Variants in PPM1H observed in about 807,000 individuals in gnomAD.
The protein encoded by PPM1H is protein phosphatase 1H.
Under a neutral mutation model 54.9 loss-of-function variants are expected in PPM1H, and 27 were observed. That is an observed-to-expected ratio of 0.49 (90% CI 0.36 to 0.68). PPM1H has a LOEUF of 0.68. Ranked by LOEUF, PPM1H falls within the 30% of genes least tolerant of loss-of-function variation. The pLI is 0.00. For missense variants in PPM1H, 596 were observed against 667.8 expected, an observed-to-expected ratio of 0.89 and a Z score of 1.19; for synonymous variants, 305 against 270.8, an observed-to-expected ratio of 1.13 and a Z score of -1.24.
Position 62,647,021 on chromosome 12 carries a change from GC to G in PPM1H, c.*1467del, listed in dbSNP as rs1437848070. 1 of 152,186 alleles carries G rather than the reference GC, an allele frequency of 6.6e-6. No individual in the cohort carries two copies. Among genetic ancestry groups the G allele is most frequent in the Admixed American group, 6.5e-5 (1 of 15,272 alleles). 9.4% of individuals were successfully genotyped at this position (152,186 alleles called of 1,614,324 possible). ...ATTACTCAAAGTTGTCAAAATGGTG[GC>G]AATACCTCAGTAGCTCAGCAGGAAG... On this transcript the variant is annotated 3_prime_UTR_variant, in exon 10 of 10. Transcript: ENST00000228705.
Position 62,802,011 on chromosome 12 carries a change from C to A in PPM1H, c.561G>T (p.Leu187=). 1 of 1,613,436 alleles carries A rather than the reference C, an allele frequency of 6.2e-7. No individual in the cohort carries two copies. Among genetic ancestry groups the A allele is most frequent in the Non-Finnish European group, 8.5e-7 (1 of 1,179,720 alleles). The change falls in exon 3 of 10, where the codon CTG becomes CTT. Residue 187 remains leucine, a synonymous_variant. Coordinates refer to ENST00000228705, the MANE Select transcript of PPM1H (RefSeq NM_020700.2). ...IVDILKNSAV[L]PPTCLGEEPE... ...GCTCCTCCCCCAGGCAGGTAGGGGG[C>A]AGGACGGCGGAGTTCTTCAGGATGT...
chr12:62,682,592 C>T (rs996480434), intron 8 of PPM1H, among the ~76,000 whole-genome samples: 4 of 152,166 alleles, frequency 2.6e-5, no homozygotes, highest in Non-Finnish European at 4.4e-5. Flanking sequence ...GCCTTGAACT[C>T]CTGGGCTCAA....
At chr12:62,739,346 T>C (rs1050241410) in intron 4 of PPM1H, among the ~76,000 whole-genome samples, 1 of 148,710 alleles carries the variant, frequency 6.7e-6, no homozygotes, top group African/African-American at 2.4e-5. Flanking sequence ...AGTATGACTA[T>C]AACAAGGGAG....
intron 9 of PPM1H, among the ~76,000 whole-genome samples, chr12:62,657,309 G>A (rs953374271): frequency 6.6e-6 from 1 of 152,190 alleles, no homozygotes; most frequent in African/African-American, 2.4e-5. Flanking sequence ...TTCAATACGA[G>A]GGGGCATAAT....
intron 1 of PPM1H, among the ~76,000 whole-genome samples, chr12:62,859,926 CAG>C (rs1869536660): frequency 2.0e-5 from 3 of 152,210 alleles, no homozygotes; most frequent in Admixed American, 2.0e-4. Context: ...CATGCGCTAA[CAG>C]AGAACATTAT....
chr12:62,667,055 G>A (rs910547726), intron 9 of PPM1H, 123 bp downstream of exon 9: 5 of 1,119,786 alleles, frequency 4.5e-6, no homozygotes, highest in African/African-American at 1.6e-5. Flanking sequence ...CTGCAGTTTG[G>A]TTACTGTACC....
At chr12:62,891,400 A>G (rs951103615) in intron 1 of PPM1H, among the ~76,000 whole-genome samples, 1 of 152,214 alleles carries the variant, frequency 6.6e-6, no homozygotes, top group Admixed American at 6.5e-5. Context: ...CTTTTCATTT[A>G]CAATTATTGA....
intron 1 of PPM1H, among the ~76,000 whole-genome samples, chr12:62,868,813 G>T (rs545625536): frequency 1.3e-5 from 2 of 152,200 alleles, no homozygotes; most frequent in Non-Finnish European, 2.9e-5. Flanking sequence ...GGCTGTTTGC[G>T]CATTGTCATC....
intron 1 of PPM1H, among the ~76,000 whole-genome samples, chr12:62,891,769 C>T (rs777897828): frequency 6.6e-6 from 1 of 152,172 alleles, no homozygotes; most frequent in African/African-American, 2.4e-5. Flanking sequence ...AAGTGGATCA[C>T]TATACTCTTC....
At chr12:62,688,035 A>C (rs886588104) in intron 8 of PPM1H, among the ~76,000 whole-genome samples, 1 of 151,962 alleles carries the variant, frequency 6.6e-6, no homozygotes, top group African/African-American at 2.4e-5. Context: ...AGAAACAAAA[A>C]ACCTTAATTA....
At chr12:62,786,206 C>T (rs2076670381) in intron 4 of PPM1H, among the ~76,000 whole-genome samples, 1 of 152,266 alleles carries the variant, frequency 6.6e-6, no homozygotes, top group African/African-American at 2.4e-5. Context: ...TGCTGCTCTC[C>T]TCTGTCTACC....
chr12:62,644,958 C>T lies in PPM1H; in HGVS notation c.*3531G>A, dbSNP rs1350136210. The T allele has an allele frequency of 2.6e-5, 4 of 152,220 alleles. No homozygotes were observed. Among genetic ancestry groups the T allele is most frequent in the African/African-American group, 7.2e-5 (3 of 41,454 alleles). The allele number at this position is 152,220 out of a possible 1,614,324, so 9.4% of individuals were successfully genotyped here. The stretch of plus-strand genomic sequence containing the variant: ...ATCTCATCAAAGCTTAACATATTCA[C>T]TCTGAAAACAGCGGAGCTGCTGGGT... On this transcript the variant is annotated 3_prime_UTR_variant, in exon 10 of 10. Coordinates refer to ENST00000228705, the MANE Select transcript of PPM1H (RefSeq NM_020700.2).
At chr12:62,797,570 G>A (rs915724752) in intron 3 of PPM1H, among the ~76,000 whole-genome samples, 3 of 152,132 alleles carry the variant, frequency 2.0e-5, no homozygotes, top group Non-Finnish European at 4.4e-5. Context: ...AACTGTCCTC[G>A]GGTTGCCTGG....
chr12:62,864,853 A>G (rs1269741378), intron 1 of PPM1H, among the ~76,000 whole-genome samples: 2 of 152,254 alleles, frequency 1.3e-5, no homozygotes, highest in African/African-American at 2.4e-5. Context: ...AAATTTGAGT[A>G]AACTGTTTCC....
chr12:62,891,733 T>C (rs1251657126), intron 1 of PPM1H, among the ~76,000 whole-genome samples: 1 of 152,212 alleles, frequency 6.6e-6, no homozygotes, highest in African/African-American at 2.4e-5. Context: ...AGGTTAGCAG[T>C]TGTCGAGTCT....
At chr12:62,773,800 G>C (rs1160481331) in intron 4 of PPM1H, among the ~76,000 whole-genome samples, 2 of 152,176 alleles carry the variant, frequency 1.3e-5, no homozygotes, top group African/African-American at 4.8e-5. Flanking sequence ...GGAGCAGGGT[G>C]GGGGCTTCCT....
chr12:62,658,783 G>T (rs954279160), intron 9 of PPM1H: 110 of 402,282 alleles, frequency 2.7e-4, no homozygotes, highest in South Asian at 1.2e-3. Flanking sequence ...TGATAGAAAA[G>T]AAAGAAAGAA....
chr12:62,796,548 T>C (rs2076735308), intron 3 of PPM1H, among the ~76,000 whole-genome samples: 1 of 152,202 alleles, frequency 6.6e-6, no homozygotes, highest in South Asian at 2.1e-4. Flanking sequence ...GATGAAGAGA[T>C]GCATACGGTG....
chr12:62,934,879 G>T lies in PPM1H; in HGVS notation c.-143C>A. On this transcript the variant is annotated 5_prime_UTR_variant, in exon 1 of 10. Coordinates refer to ENST00000228705, the MANE Select transcript of PPM1H (RefSeq NM_020700.2). The surrounding 1 kb of genome is among the most constrained non-coding windows in gnomAD (Gnocchi z 4.2). ...GGACGCGCCGCGCGCGGCTCCCAGA[G>T]CCTAGTGCTGCAGGGGGCCGAGCCC... 1.3e-6 allele frequency: 1 copy of T among 772,944 alleles called. No homozygotes were observed. Among genetic ancestry groups the T allele is most frequent in the Non-Finnish European group, 1.7e-6 (1 of 579,022 alleles). 47.9% of individuals were successfully genotyped at this position (772,944 alleles called of 1,614,324 possible). A position where few individuals can be genotyped will look rare whatever the true frequency, so the allele number is the denominator to read the frequency against.
Sources: gnomAD v4.1 joint callset for allele counts (sites outside exome capture counted in the v4.1 genomes callset) on GRCh38, gnomAD v4.1.1 for gene constraint, Gnocchi (gnomAD v3.1) non-coding constraint, MANE v1.5 for transcripts, NCBI Gene and HGNC (gene_info 2026-07-23, HGNC 2026-07-21) for gene names.